PTCHD4: variants seen among roughly 807,000 people sequenced by gnomAD.
PTCHD4 encodes the protein patched domain-containing protein 4.
PTCHD4 carries 33 observed loss-of-function variants against 58.1 expected under a neutral mutation model. The ratio of observed to expected loss-of-function variants is 0.57; its 90% CI spans 0.43 to 0.76. The LOEUF (loss-of-function observed/expected upper bound fraction) is 0.76, where lower values mean the gene tolerates loss of function less well. PTCHD4 is among the 30% of genes least tolerant of loss of function. PTCHD4 has a pLI of 0.00. For missense variants in PTCHD4, 1,058 were observed against 1,027.1 expected, an observed-to-expected ratio of 1.03 and a Z score of -0.41; for synonymous variants, 478 against 409.6, an observed-to-expected ratio of 1.17 and a Z score of -2.02.
chr6:47,993,663 T>C (rs191463105), intron 4 of PTCHD4, among the ~76,000 whole-genome samples: 119 of 152,240 alleles, frequency 7.8e-4, no homozygotes, highest in African/African-American at 2.7e-3. Flanking sequence ...GTAGAATCCA[T>C]TTCCTTTGAA....
intron 4 of PTCHD4, among the ~76,000 whole-genome samples, chr6:47,998,891 A>T (rs1768603899): frequency 6.6e-6 from 1 of 152,230 alleles, no homozygotes; most frequent in Non-Finnish European, 1.5e-5. Flanking sequence ...AAAGAATTAC[A>T]TACATAAAAA....
chr6:47,956,802 G>T (rs1766879636), intron 4 of PTCHD4, among the ~76,000 whole-genome samples: 1 of 152,094 alleles, frequency 6.6e-6, no homozygotes, highest in Admixed American at 6.6e-5. Flanking sequence ...CACAGATAAG[G>T]ACTGGAAGAT....
chr6:47,994,645 G>A (rs1768410168), intron 4 of PTCHD4, among the ~76,000 whole-genome samples: 1 of 152,260 alleles, frequency 6.6e-6, no homozygotes, highest in African/African-American at 2.4e-5. Context: ...CACAAGATAT[G>A]AAACAGCCTT....
At position 47,864,592 on chromosome 6, in the gene PTCHD4, C is replaced by G. The variant is rs1763509436; in HGVS notation, c.*13711G>C. On this transcript the variant is annotated 3_prime_UTR_variant, in exon 5 of 5. Coordinates refer to ENST00000339488, the MANE Select transcript of PTCHD4 (RefSeq NM_001384253.1). ...GGATGATCAAGCTGCTGTGTGGCCC[C>G]ATTGCATGGCACTGTGGCTCCAAGT... is the stretch of plus-strand genomic sequence containing the variant. Among the ~76,000 whole-genome samples, 1 of 151,910 alleles carries G rather than the reference C, an allele frequency of 6.6e-6. No homozygotes were observed. Among genetic ancestry groups the G allele is most frequent in the Non-Finnish European group, 1.5e-5 (1 of 67,908 alleles).
chr6:48,091,470 C>T (rs1765364591), intron 1 of PTCHD4, among the ~76,000 whole-genome samples: 1 of 152,036 alleles, frequency 6.6e-6, no homozygotes, highest in Non-Finnish European at 1.5e-5. Flanking sequence ...CTGAAGCATG[C>T]TAAAGGTAGA....
chr6:48,001,923 A>G (rs1768738490), intron 4 of PTCHD4, among the ~76,000 whole-genome samples: 1 of 152,152 alleles, frequency 6.6e-6, no homozygotes, highest in African/African-American at 2.4e-5. Context: ...GAAAAAACCA[A>G]ACAACCCCAT....
At chr6:48,106,382 C>T (rs1301967550) in intron 1 of PTCHD4, among the ~76,000 whole-genome samples, 1 of 152,096 alleles carries the variant, frequency 6.6e-6, no homozygotes, top group South Asian at 2.1e-4. Context: ...GCAGAAAAGA[C>T]CTTTGACAAA....
chr6:48,012,582 T>G (rs560089605), intron 3 of PTCHD4, among the ~76,000 whole-genome samples: 3 of 152,226 alleles, frequency 2.0e-5, no homozygotes, highest in Non-Finnish European at 4.4e-5. Flanking sequence ...TCTTTCCTGA[T>G]TGCCCTGGCC....
At chr6:47,947,231 A>G (rs1766458046) in intron 4 of PTCHD4, among the ~76,000 whole-genome samples, 1 of 152,082 alleles carries the variant, frequency 6.6e-6, no homozygotes, top group Admixed American at 6.6e-5. Context: ...CTTTCCCCCA[A>G]ACAAGTAAAG....
intron 4 of PTCHD4, among the ~76,000 whole-genome samples, chr6:47,957,928 T>C (rs1477441411): frequency 2.0e-5 from 3 of 152,116 alleles, no homozygotes; most frequent in Non-Finnish European, 4.4e-5. Flanking sequence ...TTAAGATATA[T>C]ACACATCAAT....
intron 3 of PTCHD4, among the ~76,000 whole-genome samples, chr6:48,061,414 T>C (rs1325448086): frequency 6.6e-6 from 1 of 152,222 alleles, no homozygotes; most frequent in South Asian, 2.1e-4. Flanking sequence ...AACGATATGC[T>C]GAGAGTCTCA....
At chr6:47,935,350 G>A (rs1280492816) in intron 4 of PTCHD4, among the ~76,000 whole-genome samples, 1 of 152,184 alleles carries the variant, frequency 6.6e-6, no homozygotes, top group Non-Finnish European at 1.5e-5. Flanking sequence ...GGAAAAATTA[G>A]TATGTTGGAG....
Position 47,857,391 on chromosome 6 carries a change from T to C in PTCHD4, c.*20912A>G, listed in dbSNP as rs896500833. On this transcript the variant is annotated 3_prime_UTR_variant, in exon 5 of 5. Transcript: ENST00000339488. Reference sequence around the variant, plus strand: ...CCTGTGATAGTACATCATTAAAAAGTATCTTGCTTCTTAAAACTTCTGCAC... The same window carrying C: ...CCTGTGATAGTACATCATTAAAAAGCATCTTGCTTCTTAAAACTTCTGCAC... 6.6e-6 allele frequency among the ~76,000 whole-genome samples: 1 copy of C among 152,064 alleles called. No homozygotes were observed. Among genetic ancestry groups the C allele is most frequent in the Non-Finnish European group, 1.5e-5 (1 of 67,978 alleles).
intron 3 of PTCHD4, among the ~76,000 whole-genome samples, chr6:48,011,065 A>G (rs1390433951): frequency 6.6e-6 from 1 of 152,212 alleles, no homozygotes; most frequent in Non-Finnish European, 1.5e-5. Flanking sequence ...TTACAGCAGA[A>G]TGATTTATAA....
At chr6:48,058,373 C>T (rs761219963) in intron 3 of PTCHD4, among the ~76,000 whole-genome samples, 1 of 152,178 alleles carries the variant, frequency 6.6e-6, no homozygotes, top group African/African-American at 2.4e-5. Context: ...GATTATGGTC[C>T]GATGATTAAT....
At chr6:48,060,746 AT>A (rs1407101281) in intron 3 of PTCHD4, among the ~76,000 whole-genome samples, 4 of 152,176 alleles carry the variant, frequency 2.6e-5, no homozygotes, top group African/African-American at 7.2e-5. Flanking sequence ...AAGTGTTGGG[AT>A]TGCAGGCGTG....
chr6:47,928,205 G>A (rs751537796), intron 4 of PTCHD4, among the ~76,000 whole-genome samples: 14 of 151,988 alleles, frequency 9.2e-5, no homozygotes, highest in Non-Finnish European at 1.3e-4. Flanking sequence ...TGCTCCTAAG[G>A]CAGTAAAAAA....
At chr6:48,048,992 A>G (rs1764136797) in intron 3 of PTCHD4, among the ~76,000 whole-genome samples, 2 of 151,970 alleles carry the variant, frequency 1.3e-5, no homozygotes, top group African/African-American at 4.8e-5. Flanking sequence ...ATGATTGACA[A>G]CATTCACTGT....
intron 3 of PTCHD4, among the ~76,000 whole-genome samples, chr6:48,045,174 T>C (rs1763990704): frequency 6.6e-6 from 1 of 151,816 alleles, no homozygotes; most frequent in Non-Finnish European, 1.5e-5. Flanking sequence ...CGGCCCTGCA[T>C]CTAAATTGTC....
Sources: allele counts gnomAD v4.1 joint callset (sites outside exome capture counted in the v4.1 genomes callset), GRCh38; gene constraint gnomAD v4.1.1; transcripts MANE v1.5; gene names NCBI Gene and HGNC (gene_info 2026-07-23, HGNC 2026-07-21).